ZNF326: variants seen among roughly 807,000 people sequenced by gnomAD.
ZNF326 encodes the protein DBIRD complex subunit ZNF326.
ZNF326 carries 30 observed loss-of-function variants against 63.1 expected under a neutral mutation model. The ratio of observed to expected loss-of-function variants is 0.48; its 90% CI spans 0.36 to 0.64. ZNF326 has a LOEUF of 0.64. ZNF326 is among the 30% of genes least tolerant of loss of function. The pLI, the probability that ZNF326 is intolerant of heterozygous loss-of-function variation, is 0.00. For missense variants in ZNF326, 609 were observed against 720.3 expected (o/e 0.85, Z 1.77); for synonymous variants, 194 against 228.2 (o/e 0.85, Z 1.35).
rs199602348 is a variant in ZNF326, at chr1:90,007,745, C to T, written c.610C>T (p.Arg204Ter). Residue 204 changes from arginine (R) to a stop codon, truncating the protein, a stop_gained, in exon 5 of 12, where the codon CGA (arginine) becomes TGA (stop). Coordinates refer to ENST00000340281, the MANE Select transcript of ZNF326 (RefSeq NM_182976.4). LOFTEE classifies it high-confidence loss of function. This position sits in a 1 kb window ranked among gnomAD's most constrained non-coding sequence, Gnocchi z 4.9. ...ACCATCAACAGGCAGAGGCCGAGGC[C>T]GAGGAGTAAGTACAACAGAATCTTT... ...GGPSTGRGRG[R>*]GHMGDFGSIH... The T allele has an allele frequency of 2.0e-6, 3 of 1,499,716 alleles. No homozygotes were observed. Among genetic ancestry groups the T allele is most frequent in the Non-Finnish European group, 2.7e-6 (3 of 1,123,620 alleles). The allele number at this position is 1,499,716 out of a possible 1,614,324, so 92.9% of individuals were successfully genotyped here. A position where few individuals can be genotyped will look rare whatever the true frequency, so the allele number is the denominator to read the frequency against.
intron 4 of ZNF326, chr1:90,006,223 A>G: frequency 1.0e-6 from 1 of 985,086 alleles, no homozygotes; most frequent in Non-Finnish European, 1.2e-6. Flanking sequence ...TGAAAAATGT[A>G]GTTGGAAATA....
At chr1:90,017,628 C>G (rs1300883093) in intron 8 of ZNF326, among the ~76,000 whole-genome samples, 164 bp downstream of exon 8, 1 of 152,194 alleles carries the variant, frequency 6.6e-6, no homozygotes, top group African/African-American at 2.4e-5. Context: ...GTGAATTCCT[C>G]TATAATAGAA....
intron 7 of ZNF326, among the ~76,000 whole-genome samples, chr1:90,013,522 G>A (rs1411163519): frequency 6.6e-6 from 1 of 152,194 alleles, no homozygotes; most frequent in Non-Finnish European, 1.5e-5. Context: ...ACTGTATGGA[G>A]TCATAGTGAT....
At position 90,016,344 on chromosome 1, in the gene ZNF326, A is replaced by G. The variant is rs531321261; in HGVS notation, c.927-973A>G. ...AATCTAATAGCATTGCAAAGAATTA[A>G]TTGGAAAATGGAGACTGGAGACAGA... On this transcript the variant is annotated intron_variant, in intron 7 of 11. Coordinates refer to ENST00000340281, the MANE Select transcript of ZNF326 (RefSeq NM_182976.4). 3.9e-5 allele frequency among the ~76,000 whole-genome samples: 6 copies of G among 152,274 alleles called. 1 individual carries two copies. In the East Asian group the frequency reaches 1.2e-3, roughly 29 times the overall value.
chr1:90,010,246 A>G lies in ZNF326; in HGVS notation c.774A>G (p.Leu258=), dbSNP rs1427481339. ...PSGTFIKKPK[L]AKPMEKISLS... is the part of the protein sequence containing the mutation. ...GAACCTTTATCAAGAAACCCAAACT[A>G]GCAAAACCTATGGAGAAGATAAGCC... Residue 258 remains leucine, a synonymous_variant, in exon 6 of 12, where the codon CTA becomes CTG. Transcript: ENST00000340281. 6.2e-7 allele frequency: 1 copy of G among 1,613,928 alleles called. No individual in the cohort carries two copies.
rs1230816515 is a variant in ZNF326 at position 90,027,491 on chromosome 1, G to T, written c.1539G>T (p.Gly513=). 8.7e-6 allele frequency: 14 copies of T among 1,613,028 alleles called. No individual in the cohort carries two copies. The highest frequency in any genetic ancestry group is 8.0e-5 in the African/African-American group (6 of 74,824). Residue 513 remains glycine (G), a synonymous_variant, in exon 12 of 12, where the codon GGG becomes GGT. Coordinates refer to ENST00000340281, the MANE Select transcript of ZNF326 (RefSeq NM_182976.4). ...EDEEEEAEEV[G]EVEEVEEVEE... The stretch of plus-strand genomic sequence containing the variant: ...AGGAAGAAGAAGCAGAGGAAGTGGG[G>T]GAAGTAGAGGAAGTGGAAGAAGTAG...
intron 4 of ZNF326, chr1:90,006,549 G>A (rs1648998392): frequency 2.3e-6 from 2 of 870,466 alleles, no homozygotes; most frequent in Non-Finnish European, 2.8e-6. Flanking sequence ...CCCTTTTTTA[G>A]GGTAGTTTTA....
chr1:90,006,082 G>C (rs374443789), intron 4 of ZNF326: 1 of 985,396 alleles, frequency 1.0e-6, no homozygotes. Context: ...GAAGGATCCG[G>C]ATTCCTTAAT....
intron 2 of ZNF326, among the ~76,000 whole-genome samples, chr1:90,003,308 A>C (rs533431219): frequency 1.1e-3 from 162 of 151,788 alleles, no homozygotes; most frequent in African/African-American, 3.7e-3. Flanking sequence ...TTTTTTTTGT[A>C]TTTTTAGTAG....
Position 90,031,361 on chromosome 1 carries a change from T to G in ZNF326, c.*3660T>G, listed in dbSNP as rs1650262618. ...AATGTATTTAAGAACTCTGTTTTTG[T>G]TGGCAAGATTGTTCTTATTGTAGAA... On this transcript the variant is annotated 3_prime_UTR_variant, in exon 12 of 12. Coordinates refer to ENST00000340281, the MANE Select transcript of ZNF326 (RefSeq NM_182976.4). 1 of 152,220 alleles carries G rather than the reference T, an allele frequency of 6.6e-6. No individual in the cohort carries two copies. Among genetic ancestry groups the G allele is most frequent in the Non-Finnish European group, 1.5e-5 (1 of 68,040 alleles). The allele number at this position is 152,220 out of a possible 1,614,324, so 9.4% of individuals were successfully genotyped here.
In ZNF326 at chr1:90,016,967, A is replaced by G. The variant is rs111946744; in HGVS notation, c.927-350A>G. Reference sequence around the variant, plus strand: ...CATTGGTTTAGAAGCTTGAGGATGGAACAACATGTAAAATAAGTTGCAGAA... The same window carrying G: ...CATTGGTTTAGAAGCTTGAGGATGGGACAACATGTAAAATAAGTTGCAGAA... On this transcript the variant is annotated intron_variant, in intron 7 of 11. Coordinates refer to ENST00000340281, the MANE Select transcript of ZNF326 (RefSeq NM_182976.4). Among the ~76,000 whole-genome samples, 235 of 152,304 alleles carry G rather than the reference A, an allele frequency of 1.5e-3. 2 individuals are homozygous for G. The highest frequency in any genetic ancestry group is 5.3e-3 in the African/African-American group (221 of 41,572).
chr1:90,022,270 AAGAG>A lies in ZNF326; in HGVS notation c.1331_1334del (p.Glu444ValfsTer3), dbSNP rs1210032023. 6.2e-7 allele frequency: 1 copy of A among 1,612,206 alleles called. No homozygotes were observed. The highest frequency in any genetic ancestry group is 1.7e-5 in the Admixed American group (1 of 59,804). ...TATAGGCTTATAAGGAACAAATAAAAAGAGAGAGTGTCTTGACTGCTACAAGCAT... is the reference window on the plus strand; with the variant it reads ...TATAGGCTTATAAGGAACAAATAAAAAGAGTGTCTTGACTGCTACAAGCAT... On this transcript the variant is annotated frameshift_variant, in exon 11 of 12. Transcript: ENST00000340281. LOFTEE classifies it high-confidence loss of function.
At chr1:90,022,473 T>G in intron 11 of ZNF326, 128 bp downstream of exon 11, 1 of 683,732 alleles carries the variant, frequency 1.5e-6, no homozygotes, top group Non-Finnish European at 2.5e-6. Flanking sequence ...CTCAGTATCT[T>G]GCATATAGGT....
intron 4 of ZNF326, chr1:90,005,580 A>T: frequency 2.2e-6 from 2 of 903,708 alleles, no homozygotes; most frequent in Non-Finnish European, 2.7e-6. Flanking sequence ...TATTGAAAAT[A>T]TTATTTATGA....
At position 90,006,328 on chromosome 1, in the gene ZNF326, G is replaced by A. The variant is rs915805940; in HGVS notation, c.210-1017G>A. The A allele has an allele frequency of 7.2e-6, 7 of 977,032 alleles. No individual in the cohort carries two copies. The African/African-American group carries it at 1.2e-4, about 17-fold the overall frequency. 60.5% of individuals were successfully genotyped at this position (977,032 alleles called of 1,614,324 possible). On this transcript the variant is annotated intron_variant, in intron 4 of 11. Transcript: ENST00000340281. ...AATGTAACACTTAATGTTTTAATAT[G>A]TCAGTTATTGCCCTTTTATATTGTG...
At chr1:89,998,208 T>TAAAAATATA in intron 2 of ZNF326, 54 bp downstream of exon 2, 1 of 1,563,616 alleles carries the variant, frequency 6.4e-7, no homozygotes, top group Non-Finnish European at 8.8e-7. Context: ...ATAGTATCAA[T>TAAAAATATA]GTAAAAGGCC....
rs1196045367 is a variant in ZNF326 at position 90,007,438 on chromosome 1, C to G, written c.303C>G (p.Ser101Arg). ...ATGGTTTTAATGAACCCGAACAAAG[C>G]CGCTTCGGAGGTAGTTATGGTGGTC... ...SGYGFNEPEQ[S>R]RFGGSYGGRF... The change falls in exon 5 of 12, where the codon AGC (serine) becomes AGG (arginine). Residue 101 changes from serine to arginine, a missense_variant. Physicochemically the swap from Ser to Arg is moderately radical, Grantham distance 110 (BLOSUM62 -1). Coordinates refer to ENST00000340281, the MANE Select transcript of ZNF326 (RefSeq NM_182976.4). The surrounding 1 kb of genome is among the most constrained non-coding windows in gnomAD (Gnocchi z 4.9). The G allele has an allele frequency of 6.2e-7, 1 of 1,613,964 alleles. No individual in the cohort carries two copies. Among genetic ancestry groups the G allele is most frequent in the African/African-American group, 1.3e-5 (1 of 74,904 alleles).
In ZNF326 at chr1:90,035,026, A is replaced by G. The variant is rs1650426203; in HGVS notation, c.*7325A>G. 6.6e-6 allele frequency: 1 copy of G among 152,240 alleles called. No individual in the cohort carries two copies. The highest frequency in any genetic ancestry group is 6.5e-5 in the Admixed American group (1 of 15,288). 9.4% of individuals were successfully genotyped at this position (152,240 alleles called of 1,614,324 possible). ...TACCATAAGCTTGATAGATGCTCGA[A>G]AAACATTTCCTAAGATTGAACACAT... On this transcript the variant is annotated 3_prime_UTR_variant, in exon 12 of 12. Transcript: ENST00000340281.
At chr1:90,015,431 G>C (rs554328195) in intron 7 of ZNF326, among the ~76,000 whole-genome samples, 1 of 152,204 alleles carries the variant, frequency 6.6e-6, no homozygotes, top group Non-Finnish European at 1.5e-5. Flanking sequence ...TGTAATTCCA[G>C]TACCTTGGGA....
Sources: allele counts gnomAD v4.1 joint callset (sites outside exome capture counted in the v4.1 genomes callset), GRCh38; gene constraint gnomAD v4.1.1; non-coding constraint Gnocchi (gnomAD v3.1); transcripts MANE v1.5; gene names NCBI Gene and HGNC (gene_info 2026-07-23, HGNC 2026-07-21).